PHC3: variants seen among roughly 807,000 people sequenced by gnomAD.
PHC3 encodes polyhomeotic-like protein 3.
A neutral mutation model predicts 107.4 loss-of-function variants in PHC3; 13 were observed. The observed-to-expected ratio is 0.12, with a 90% CI of 0.08 to 0.19. PHC3 has a LOEUF of 0.19. PHC3 is among the 10% of genes least tolerant of loss of function. PHC3 has a pLI of 1.00. For synonymous variants in PHC3, 456 were observed against 427.4 expected (o/e 1.07, Z -0.83); for missense variants, 992 against 1,210.9 (o/e 0.82, Z 2.68).
intron 14 of PHC3, among the ~76,000 whole-genome samples, chr3:170,098,721 A>G (rs1714982472): frequency 6.6e-6 from 1 of 152,002 alleles, no homozygotes; most frequent in East Asian, 1.9e-4. Context: ...TTCTTTTCTC[A>G]CGTCCTCTGT....
At chr3:170,166,823 C>T (rs1306368356) in intron 4 of PHC3, among the ~76,000 whole-genome samples, 2 of 152,060 alleles carry the variant, frequency 1.3e-5, no homozygotes, top group African/African-American at 4.8e-5. Flanking sequence ...CACCACCACA[C>T]CTGGCTAATT....
At chr3:170,150,740 C>A (rs192847504) in intron 4 of PHC3, 459 of 421,536 alleles carry the variant, frequency 1.1e-3, no homozygotes, top group Admixed American at 2.6e-3. Flanking sequence ...AAGAAAAAAA[C>A]CCAATAAACT....
intron 3 of PHC3, 109 bp from the exon 4 acceptor site, chr3:170,171,559 T>C: frequency 4.2e-6 from 3 of 712,194 alleles, no homozygotes; most frequent in Non-Finnish European, 6.8e-6. Context: ...GGCCTATGTA[T>C]GAAACAACTA....
intron 1 of PHC3, among the ~76,000 whole-genome samples, chr3:170,181,413 C>T (rs1362429769): frequency 6.6e-6 from 1 of 152,138 alleles, no homozygotes; most frequent in African/African-American, 2.4e-5. Context: ...GCTCGTTCCC[C>T]GGAAAACCCC....
At chr3:170,126,117 T>A (rs1721190974) in intron 8 of PHC3, 1 of 253,728 alleles carries the variant, frequency 3.9e-6, no homozygotes, top group Non-Finnish European at 6.2e-6. Flanking sequence ...ATACTGATTT[T>A]ACTTTGAAAA....
At chr3:170,170,990 C>A in intron 4 of PHC3, 1 of 220,346 alleles carries the variant, frequency 4.5e-6, no homozygotes, top group Non-Finnish European at 8.8e-6. Flanking sequence ...ATGTGAATTG[C>A]ACAAAGTTAG....
At chr3:170,152,114 C>T (rs1005839194) in intron 4 of PHC3, among the ~76,000 whole-genome samples, 1 of 151,798 alleles carries the variant, frequency 6.6e-6, no homozygotes, top group African/African-American at 2.4e-5. Context: ...TAAATCAATG[C>T]ATAAATACCA....
chr3:170,146,561 G>A (rs1372192328), intron 5 of PHC3, among the ~76,000 whole-genome samples: 1 of 129,386 alleles, frequency 7.7e-6, no homozygotes, highest in East Asian at 2.3e-4. Flanking sequence ...TGGTGAGACA[G>A]AGTCTCTGTC....
chr3:170,105,882 G>A (rs1391618620), intron 12 of PHC3, among the ~76,000 whole-genome samples: 6 of 152,142 alleles, frequency 3.9e-5, no homozygotes, highest in East Asian at 3.8e-4. Flanking sequence ...GGAATTATAC[G>A]ATTAATGAAG....
chr3:170,171,432 T>C lies in PHC3; in HGVS notation c.355A>G (p.Arg119Gly), dbSNP rs1400877237. 1 of 1,604,188 alleles carries C rather than the reference T, an allele frequency of 6.2e-7. No individual in the cohort carries two copies. Among genetic ancestry groups the C allele is most frequent in the Non-Finnish European group, 8.5e-7 (1 of 1,176,452 alleles). The change falls in exon 4 of 15, where the codon AGA (arginine) becomes GGA (glycine). Residue 119 changes from arginine (R) to glycine (G), a missense_variant. Around this residue, in one of 6 missense-constraint regions of PHC3, gnomAD observed 161 missense variants for 183.7 expected, o/e 0.88. Transcript: ENST00000495893. ...AAVQASLSSG[R>G]PSTSPTGSVT... The stretch of plus-strand genomic sequence containing the variant: ...CTTCCTGTGGGAGATGTAGATGGTC[T>C]TCCACTGGACAAACTTGCCTAAAAT...
intron 4 of PHC3, among the ~76,000 whole-genome samples, chr3:170,154,899 C>G (rs1308582338): frequency 1.3e-5 from 2 of 152,184 alleles, no homozygotes; most frequent in African/African-American, 4.8e-5. Flanking sequence ...CTGTGTTGCT[C>G]TGCTGACCTA....
chr3:170,135,747 CT>C (rs200456368), intron 7 of PHC3, among the ~76,000 whole-genome samples: 1,851 of 151,546 alleles, frequency 0.012, 40 homozygotes, highest in African/African-American at 0.042. Context: ...AACTCTTTAT[CT>C]TATCAAAAGT....
intron 5 of PHC3, 34 bp downstream of exon 5, chr3:170,149,052 A>G (rs1248368849): frequency 1.3e-6 from 2 of 1,597,262 alleles, no homozygotes; most frequent in South Asian, 1.1e-5. Flanking sequence ...TCAAGTCCTT[A>G]AACACTGAAA....
At chr3:170,119,036 TA>T (rs1002478959) in intron 9 of PHC3, among the ~76,000 whole-genome samples, 3,822 of 72,692 alleles carry the variant, frequency 0.053, 123 homozygotes, top group African/African-American at 0.16. Flanking sequence ...TATAAAAAGC[TA>T]AAAAAAAAAA....
Position 170,171,418 on chromosome 3 carries a change from A to G in PHC3, c.369T>C (p.Ser123=). 1 of 1,607,176 alleles carries G rather than the reference A, an allele frequency of 6.2e-7. No homozygotes were observed. The highest frequency in any genetic ancestry group is 2.2e-5 in the East Asian group (1 of 44,670). The change falls in exon 4 of 15, where the codon TCT becomes TCC. Residue 123 remains serine (S), a synonymous_variant. Coordinates refer to ENST00000495893, the MANE Select transcript of PHC3 (RefSeq NM_024947.4). ...ASLSSGRPST[S]PTGSVTQQSS... The stretch of plus-strand genomic sequence containing the variant: ...ACTGCTGTGTGACACTTCCTGTGGG[A>G]GATGTAGATGGTCTTCCACTGGACA...
chr3:170,176,421 A>G (rs145730144), intron 2 of PHC3, among the ~76,000 whole-genome samples: 1,854 of 152,286 alleles, frequency 0.012, 40 homozygotes, highest in African/African-American at 0.042. Context: ...TGGGGTATCC[A>G]CCATGGAAAA....
chr3:170,141,137 T>G (rs1724034436), intron 6 of PHC3, among the ~76,000 whole-genome samples: 1 of 152,190 alleles, frequency 6.6e-6, no homozygotes, highest in Non-Finnish European at 1.5e-5. Context: ...ATTTCACAAT[T>G]AAAATAAAAA....
At chr3:170,099,571 GC>G (rs901611733) in intron 14 of PHC3, among the ~76,000 whole-genome samples, 4 of 152,134 alleles carry the variant, frequency 2.6e-5, no homozygotes, top group Non-Finnish European at 5.9e-5. Flanking sequence ...AACTGACACA[GC>G]CAGTCAGCTG....
rs780862532 is a variant in PHC3, at chr3:170,129,205, T to C, written c.1267A>G (p.Thr423Ala). ...AGTGCTTGTGGATGAATAATTATAG[T>C]AGGAGACTGACTTGGTGAATGAGGT... ...PPPHSPSQSP[T>A]IIIHPQALIQ... Residue 423 changes from threonine (T) to alanine (A), a missense_variant, in exon 8 of 15, where the codon ACT becomes GCT. Physicochemically the swap from Thr to Ala is moderately conservative, Grantham distance 58 (BLOSUM62 0). Coordinates refer to ENST00000495893, the MANE Select transcript of PHC3 (RefSeq NM_024947.4). 5.6e-6 allele frequency: 9 copies of C among 1,613,762 alleles called. No individual in the cohort carries two copies. The East Asian group carries it at 6.7e-5, about 12-fold the overall frequency.
Sources: allele counts gnomAD v4.1 joint callset (sites outside exome capture counted in the v4.1 genomes callset), GRCh38; gene constraint gnomAD v4.1.1; regional missense constraint gnomAD v4.1.1; transcripts MANE v1.5; gene names NCBI Gene and HGNC (gene_info 2026-07-23, HGNC 2026-07-21).